RELN: variants seen among roughly 807,000 people sequenced by gnomAD.
RELN encodes reelin.
In RELN, 108 loss-of-function variants were observed where a neutral mutation model predicts 427.6. The observed-to-expected ratio is 0.25, with a 90% CI of 0.22 to 0.30. RELN has a LOEUF of 0.30. RELN is among the 10% of genes least tolerant of loss of function. The probability of loss-of-function intolerance (pLI) is 1.00; values close to 1 mark genes in which losing one functional copy is unlikely to be tolerated. For synonymous variants in RELN, 1,524 were observed against 1,513.4 expected, an observed-to-expected ratio of 1.01 and a Z score of -0.16; for missense variants, 3,715 against 4,302.8, an observed-to-expected ratio of 0.86 and a Z score of 3.82.
intron 2 of RELN, among the ~76,000 whole-genome samples, chr7:103,901,814 T>G (rs561279963): frequency 4.6e-5 from 7 of 151,976 alleles, no homozygotes; most frequent in Non-Finnish European, 5.9e-5. Context: ...CTTTTCAAAT[T>G]AGTGGTGATG....
chr7:103,610,425 A>G (rs1831923617), intron 22 of RELN, among the ~76,000 whole-genome samples: 1 of 152,186 alleles, frequency 6.6e-6, no homozygotes, highest in South Asian at 2.1e-4. Context: ...CCATAAAAAG[A>G]AAAAGCTGGG....
chr7:103,472,779 T>G lies in RELN; in HGVS notation c.*33A>C. 3 of 1,483,768 alleles carry G rather than the reference T, an allele frequency of 2.0e-6. No homozygotes were observed. Among genetic ancestry groups the G allele is most frequent in the Non-Finnish European group, 2.8e-6 (3 of 1,061,584 alleles). 91.9% of individuals were successfully genotyped at this position (1,483,768 alleles called of 1,614,324 possible). On this transcript the variant is annotated 3_prime_UTR_variant, in exon 65 of 65. Coordinates refer to ENST00000428762, the MANE Select transcript of RELN (RefSeq NM_005045.4). ...AAAGAATGGAGAGCAACACATCACA[T>G]GTTGGAAGAAAAAAAATAAACTTTT...
rs780950214 is a variant in RELN, at chr7:103,540,285, G to C, written c.6842C>G (p.Pro2281Arg). The part of the protein sequence containing the change: ...NVGRYIALEI[P>R]LKARSGSTRL... ...AGTAGAACCAGAACGGGCTTTCAAG[G>C]GTATCTCCAGGGCAATGTACCTGCC... Residue 2281 changes from proline to arginine, a missense_variant, in exon 44 of 65, where the codon CCC (proline) becomes CGC (arginine). Pro to Arg is a moderately radical substitution (Grantham distance 103). Transcript: ENST00000428762. The C allele has an allele frequency of 6.2e-7, 1 of 1,614,008 alleles. No individual in the cohort carries two copies. Among genetic ancestry groups the C allele is most frequent in the Non-Finnish European group, 8.5e-7 (1 of 1,180,024 alleles).
intron 1 of RELN, among the ~76,000 whole-genome samples, chr7:103,941,000 T>A (rs942699195): frequency 6.6e-6 from 1 of 152,180 alleles, no homozygotes; most frequent in Non-Finnish European, 1.5e-5. Context: ...AAGAATGAAT[T>A]GAGGTTAGCT....
intron 52 of RELN, 61 bp downstream of exon 52, chr7:103,502,955 G>T: frequency 7.4e-7 from 1 of 1,343,438 alleles, no homozygotes; most frequent in Non-Finnish European, 1.1e-6. Context: ...TGACAACAGT[G>T]TACCTAATGG....
At chr7:103,625,056 T>C (rs1306867251) in intron 20 of RELN, among the ~76,000 whole-genome samples, 2 of 152,180 alleles carry the variant, frequency 1.3e-5, no homozygotes, top group Non-Finnish European at 2.9e-5. Flanking sequence ...GCTTTCCTTA[T>C]CTTAATTCTT....
At chr7:103,630,866 T>TTG (rs1562931017) in intron 19 of RELN, among the ~76,000 whole-genome samples, 4 of 144,186 alleles carry the variant, frequency 2.8e-5, no homozygotes, top group Non-Finnish European at 4.6e-5. Context: ...TTTTGTTTTT[T>TTG]TTTTTTTTGT....
chr7:103,712,267 C>A (rs1289752581), intron 8 of RELN, among the ~76,000 whole-genome samples: 1 of 143,000 alleles, frequency 7.0e-6, no homozygotes, highest in Non-Finnish European at 1.6e-5. Flanking sequence ...CATACAGAGC[C>A]AGGAAGTTTC....
intron 2 of RELN, among the ~76,000 whole-genome samples, chr7:103,901,794 T>C (rs1795090285): frequency 6.7e-6 from 1 of 149,626 alleles, no homozygotes; most frequent in African/African-American, 2.4e-5. Context: ...TTTTCTGTAG[T>C]GTTAAAAATC....
intron 4 of RELN, among the ~76,000 whole-genome samples, chr7:103,756,973 A>G (rs887870695): frequency 2.6e-5 from 4 of 152,200 alleles, no homozygotes; most frequent in Non-Finnish European, 5.9e-5. Flanking sequence ...TGACCATATC[A>G]ATCTAGTTTT....
chr7:103,539,542 T>C (rs370510649), intron 44 of RELN: 49 of 579,884 alleles, frequency 8.4e-5, no homozygotes, highest in African/African-American at 5.2e-4. Flanking sequence ...AATCAAAGGA[T>C]TGACAAAACC....
At chr7:103,897,060 C>T (rs143458118) in intron 2 of RELN, among the ~76,000 whole-genome samples, 31 of 151,994 alleles carry the variant, frequency 2.0e-4, no homozygotes, top group African/African-American at 6.5e-4. Flanking sequence ...TTTATAAAAC[C>T]ATCAGATCTC....
intron 2 of RELN, among the ~76,000 whole-genome samples, chr7:103,850,375 A>AG (rs1258178663): frequency 6.6e-6 from 1 of 152,212 alleles, no homozygotes; most frequent in East Asian, 1.9e-4. Flanking sequence ...AACTTTACCT[A>AG]GAGCTGAGTC....
chr7:103,578,309 C>G (rs1156754721), intron 28 of RELN, among the ~76,000 whole-genome samples: 2 of 152,024 alleles, frequency 1.3e-5, no homozygotes, highest in South Asian at 2.1e-4. Context: ...GAGCTCAGTA[C>G]TAAGGAACGC....
intron 6 of RELN, 101 bp downstream of exon 6, chr7:103,749,325 C>G: frequency 4.4e-6 from 4 of 916,866 alleles, no homozygotes; most frequent in South Asian, 1.3e-5. Flanking sequence ...TAGCTTAGCA[C>G]TAAAGATCAA....
chr7:103,867,341 C>T (rs1794223973), intron 2 of RELN, among the ~76,000 whole-genome samples: 1 of 151,342 alleles, frequency 6.6e-6, no homozygotes, highest in Admixed American at 6.6e-5. Context: ...ATGTCAACCC[C>T]TAAGAGAAAG....
chr7:103,894,101 T>C (rs143703849), intron 2 of RELN, among the ~76,000 whole-genome samples: 17 of 152,240 alleles, frequency 1.1e-4, no homozygotes, highest in African/African-American at 3.8e-4. Context: ...TGCTACAAAG[T>C]CTTCCTCATG....
At chr7:103,499,140 A>G (rs1476747594) in intron 53 of RELN, among the ~76,000 whole-genome samples, 1 of 152,186 alleles carries the variant, frequency 6.6e-6, no homozygotes, top group Non-Finnish European at 1.5e-5. Context: ...AAAAGAAAGT[A>G]AACCTTTGAA....
At position 103,848,270 on chromosome 7, in the gene RELN, T is replaced by C. The variant is rs555351160; in HGVS notation, c.338-14598A>G. 4.9e-4 allele frequency among the ~76,000 whole-genome samples: 74 copies of C among 152,336 alleles called. 2 individuals carry two copies. Among genetic ancestry groups the C allele is most frequent in the Middle Eastern group, 6.8e-3 (2 of 294 alleles). ...GCAGGAGAAACACAGCACTGAGATA[T>C]ATTCTTTAATTCTGCAAATAAAATT... On this transcript the variant is annotated intron_variant, in intron 2 of 64. Transcript: ENST00000428762.
Sources: allele counts gnomAD v4.1 joint callset (sites outside exome capture counted in the v4.1 genomes callset), GRCh38; gene constraint gnomAD v4.1.1; transcripts MANE v1.5; gene names NCBI Gene and HGNC (gene_info 2026-07-23, HGNC 2026-07-21).